The following FOXP1 variants were observed in gnomAD, a reference collection of about 807,000 sequenced individuals.
The protein encoded by FOXP1 is forkhead box protein P1.
FOXP1 carries 15 observed loss-of-function variants against 98.2 expected under a neutral mutation model. That is an observed-to-expected ratio of 0.15 (90% CI 0.10 to 0.24). The LOEUF is 0.24. FOXP1 is among the 10% of genes least tolerant of loss of function. The pLI is 1.00. For missense variants in FOXP1, 633 were observed against 848.5 expected (o/e 0.75, Z 3.15); for synonymous variants, 371 against 314.5 (o/e 1.18, Z -1.90).
At chr3:71,555,746 C>T (rs75401608) in intron 2 of FOXP1, among the ~76,000 whole-genome samples, 18,492 of 152,160 alleles carry the variant, frequency 0.12, 1,495 homozygotes, top group Middle Eastern at 0.21. Context: ...ATAAGCCCTA[C>T]ATTAAAATTT....
intron 5 of FOXP1, among the ~76,000 whole-genome samples, chr3:71,198,630 C>G (rs2063462689): frequency 6.6e-6 from 1 of 152,108 alleles, no homozygotes; most frequent in Admixed American, 6.6e-5. Context: ...AAATATATTA[C>G]TTTTTTACCC....
At chr3:71,249,592 A>G (rs1176864939) in intron 5 of FOXP1, among the ~76,000 whole-genome samples, 1 of 152,180 alleles carries the variant, frequency 6.6e-6, no homozygotes, top group East Asian at 1.9e-4. Context: ...GAGACACCTG[A>G]TCCTTGGACA....
chr3:70,975,630 T>C (rs576488011), intron 17 of FOXP1, among the ~76,000 whole-genome samples: 1 of 152,360 alleles, frequency 6.6e-6, no homozygotes, highest in African/African-American at 2.4e-5. Flanking sequence ...ATCCTTATCA[T>C]ATTTAGATTA....
chr3:70,980,532 C>G (rs1313352678), intron 14 of FOXP1, among the ~76,000 whole-genome samples: 1 of 152,080 alleles, frequency 6.6e-6, no homozygotes, highest in Admixed American at 6.5e-5. Flanking sequence ...AATAATTTGC[C>G]CATATTCCCA....
At chr3:71,026,727 C>A (rs1309726518) in intron 11 of FOXP1, among the ~76,000 whole-genome samples, 1 of 152,184 alleles carries the variant, frequency 6.6e-6, no homozygotes, top group Non-Finnish European at 1.5e-5. Flanking sequence ...CTATCTCCCC[C>A]CTTTCCAGCC....
intron 7 of FOXP1, among the ~76,000 whole-genome samples, chr3:71,087,781 C>T (rs1268407494): frequency 6.6e-6 from 1 of 152,052 alleles, no homozygotes; most frequent in Admixed American, 6.5e-5. Context: ...GATTTGAGAA[C>T]TAAGGTGTCT....
At chr3:71,173,188 G>C (rs2061736467) in intron 6 of FOXP1, among the ~76,000 whole-genome samples, 1 of 151,838 alleles carries the variant, frequency 6.6e-6, no homozygotes, top group Non-Finnish European at 1.5e-5. Flanking sequence ...CTAAGAAAAT[G>C]AGTCAGTATC....
At chr3:71,038,364 C>A (rs2047888568) in intron 11 of FOXP1, among the ~76,000 whole-genome samples, 1 of 152,096 alleles carries the variant, frequency 6.6e-6, no homozygotes. Flanking sequence ...CTTTCCTTGC[C>A]CATCAGAATG....
chr3:71,471,701 C>T (rs2089366278), intron 3 of FOXP1, among the ~76,000 whole-genome samples: 1 of 152,202 alleles, frequency 6.6e-6, no homozygotes, highest in Admixed American at 6.5e-5. Context: ...ACAGTCCACC[C>T]TGAAAGCCAT....
chr3:71,382,734 T>C (rs567475865), intron 3 of FOXP1, among the ~76,000 whole-genome samples: 1 of 152,302 alleles, frequency 6.6e-6, no homozygotes, highest in East Asian at 1.9e-4. Context: ...ACTAAGGACT[T>C]GCCAGTGACA....
At chr3:71,318,763 T>C (rs2075227020) in intron 4 of FOXP1, among the ~76,000 whole-genome samples, 1 of 152,172 alleles carries the variant, frequency 6.6e-6, no homozygotes, top group South Asian at 2.1e-4. Context: ...ATGGACAAAA[T>C]GGTTCCAGTT....
Position 71,041,403 on chromosome 3 carries a change from G to C in FOXP1, c.794C>G (p.Ser265Cys), listed in dbSNP as rs780997405. The C allele has an allele frequency of 1.9e-5, 30 of 1,613,762 alleles. No homozygotes were observed. The highest frequency in any genetic ancestry group is 2.2e-5 in the Non-Finnish European group (26 of 1,179,850). Reference protein sequence around the residue: ...TTTCVSSSAPSKTSLIMNPHA... With the variant: ...TTTCVSSSAPCKTSLIMNPHA... ...TGGGTTCATTATTAAGGAGGTCTTGGAAGGTGCAGAGGAGGAGACACATGT... is the reference window on the plus strand; with the variant it reads ...TGGGTTCATTATTAAGGAGGTCTTGCAAGGTGCAGAGGAGGAGACACATGT... The change falls in exon 11 of 21, where the codon TCC becomes TGC. Residue 265 changes from serine to cysteine, a missense_variant. Ser to Cys is a moderately radical substitution (Grantham distance 112, BLOSUM62 -1). Transcript: ENST00000649528.
chr3:71,521,526 C>T (rs1453943245), intron 2 of FOXP1, among the ~76,000 whole-genome samples: 1 of 60,570 alleles, frequency 1.7e-5, no homozygotes, highest in African/African-American at 6.2e-5. Flanking sequence ...GACCCTGTCT[C>T]AAAAAAAAAA....
chr3:71,306,631 C>CAAAAAAAAAAAAAAAAAA (rs66479255), intron 4 of FOXP1, among the ~76,000 whole-genome samples: 4 of 42,834 alleles, frequency 9.3e-5, no homozygotes, highest in South Asian at 1.6e-3. Flanking sequence ...GAGAATAAGC[C>CAAAAAAAAAAAAAAAAAA]AAAAAAAAAA....
chr3:70,958,075 A>G lies in FOXP1; in HGVS notation c.*1172T>C, dbSNP rs1272834503. ...AAGGCCCATGGCAACTTGGTTCCAC[A>G]AGGGAGAGCCTTCCAAGGCCATATT... is the stretch of plus-strand genomic sequence containing the variant. On this transcript the variant is annotated 3_prime_UTR_variant, in exon 21 of 21. Coordinates refer to ENST00000649528, the MANE Select transcript of FOXP1 (RefSeq NM_001349338.3). 1 of 288,438 alleles carries G rather than the reference A, an allele frequency of 3.5e-6. No homozygotes were observed. The highest frequency in any genetic ancestry group is 2.2e-5 in the African/African-American group (1 of 46,200). 17.9% of individuals were successfully genotyped at this position (288,438 alleles called of 1,614,324 possible).
chr3:71,414,222 A>T (rs1002146713), intron 3 of FOXP1, among the ~76,000 whole-genome samples: 2 of 152,152 alleles, frequency 1.3e-5, no homozygotes, highest in African/African-American at 4.8e-5. Context: ...GCGGAACGTG[A>T]TGGGGATTTC....
intron 3 of FOXP1, among the ~76,000 whole-genome samples, chr3:71,451,929 G>A (rs1056999400): frequency 6.6e-6 from 1 of 152,138 alleles, no homozygotes. Context: ...GCTACCTCTG[G>A]GCTAGTAATT....
intron 3 of FOXP1, among the ~76,000 whole-genome samples, chr3:71,467,492 G>A (rs1025091301): frequency 4.6e-5 from 7 of 152,232 alleles, no homozygotes; most frequent in African/African-American, 9.6e-5. Context: ...AAGACACGGC[G>A]GCCCTTTATC....
chr3:71,036,013 A>G (rs1183136380), intron 11 of FOXP1, among the ~76,000 whole-genome samples: 2 of 152,224 alleles, frequency 1.3e-5, no homozygotes, highest in African/African-American at 4.8e-5. Flanking sequence ...AGACATGTAC[A>G]TGTTTCAAAG....
Sources: gnomAD v4.1 joint callset for allele counts (sites outside exome capture counted in the v4.1 genomes callset) on GRCh38, gnomAD v4.1.1 for gene constraint, MANE v1.5 for transcripts, NCBI Gene and HGNC (gene_info 2026-07-23, HGNC 2026-07-21) for gene names.